The following SAFB2 variants were observed in gnomAD, a reference collection of about 807,000 sequenced individuals.
The protein encoded by SAFB2 is scaffold attachment factor B2.
Under a neutral mutation model 100.6 loss-of-function variants are expected in SAFB2, and 32 were observed. The observed-to-expected ratio is 0.32, with a 90% CI of 0.24 to 0.43. The LOEUF is 0.43. Among genes scored for constraint, SAFB2 ranks in the 20% least tolerant of loss-of-function variants. SAFB2 has a pLI of 1.00. For missense variants in SAFB2, 1,185 were observed against 1,163.4 expected (o/e 1.02, Z -0.27); for synonymous variants, 500 against 439.4 (o/e 1.14, Z -1.72).
In SAFB2 at chr19:5,604,849, T is replaced by A; in HGVS notation, c.1384A>T (p.Thr462Ser). 6.2e-7 allele frequency: 1 copy of A among 1,614,174 alleles called. No homozygotes were observed. The highest frequency in any genetic ancestry group is 8.5e-7 in the Non-Finnish European group (1 of 1,180,030). ...FVTMSTSDEA[T>S]KCISHLHRTE... ...CTGTGGAGATGGCTGATGCACTTGG[T>A]CGCCTCGTCAGATGTCGACATGGTG... Residue 462 changes from threonine (T) to serine (S), a missense_variant, in exon 10 of 21, where the codon ACC (threonine) becomes TCC (serine). Physicochemically the swap from Thr to Ser is moderately conservative, Grantham distance 58. This residue lies in a region of SAFB2 where 94 missense variants were observed against 135.1 expected (regional missense o/e 0.70). Coordinates refer to ENST00000252542, the MANE Select transcript of SAFB2 (RefSeq NM_014649.3).
intron 17 of SAFB2, among the ~76,000 whole-genome samples, chr19:5,591,008 C>T (rs904485324): frequency 6.6e-6 from 1 of 152,202 alleles, no homozygotes; most frequent in Non-Finnish European, 1.5e-5. Flanking sequence ...TTGTGGTCTT[C>T]AGCCCCCCGT....
intron 13 of SAFB2, 84 bp from the exon 14 acceptor site, chr19:5,595,581 T>C: frequency 1.3e-6 from 2 of 1,497,630 alleles, no homozygotes; most frequent in Admixed American, 1.8e-5. Flanking sequence ...TGCATGAGAC[T>C]AAGATTCTCT....
At chr19:5,588,050 C>T (rs1364269063) in intron 18 of SAFB2, 70 bp from the exon 19 acceptor site, 13 of 1,381,710 alleles carry the variant, frequency 9.4e-6, no homozygotes, top group Non-Finnish European at 1.3e-5. Context: ...CAGGCGCACC[C>T]ACCCTGACCT....
intron 4 of SAFB2, 50 bp from the exon 5 acceptor site, chr19:5,613,577 C>G (rs2052957204): frequency 5.0e-6 from 8 of 1,593,642 alleles, no homozygotes; most frequent in Non-Finnish European, 6.9e-6. Flanking sequence ...GCTATGAAAA[C>G]CAAGGCTGAC....
intron 2 of SAFB2, among the ~76,000 whole-genome samples, chr19:5,619,103 G>A (rs1425715071): frequency 1.3e-5 from 2 of 152,158 alleles, no homozygotes; most frequent in Non-Finnish European, 2.9e-5. Context: ...TGCTTGAAAC[G>A]AAAATTAACT....
At chr19:5,603,229 A>G (rs1489771472) in intron 11 of SAFB2, among the ~76,000 whole-genome samples, 7 of 152,092 alleles carry the variant, frequency 4.6e-5, no homozygotes, top group Admixed American at 2.6e-4. Context: ...GACTGCATCA[A>G]TGCACTCCAG....
chr19:5,590,369 C>T lies in SAFB2; in HGVS notation c.2434G>A (p.Glu812Lys). ...DDRHGHGGPP[E>K]RHGRDSRDGW... ...TCACGGGAGTCCCGGCCGTGGCGCTCTGGGGGTCCTCCGTGGCCATGGCGG... is the reference window on the plus strand; with the variant it reads ...TCACGGGAGTCCCGGCCGTGGCGCTTTGGGGGTCCTCCGTGGCCATGGCGG... Residue 812 changes from glutamate (E) to lysine (K), a missense_variant, in exon 18 of 21, where the codon GAG becomes AAG. By Grantham distance (56) the Glu-to-Lys change is moderately conservative (BLOSUM62 1). Transcript: ENST00000252542. The T allele has an allele frequency of 6.2e-7, 1 of 1,612,094 alleles. No homozygotes were observed. Among genetic ancestry groups the T allele is most frequent in the Non-Finnish European group, 8.5e-7 (1 of 1,179,400 alleles).
intron 4 of SAFB2, among the ~76,000 whole-genome samples, chr19:5,615,102 C>T (rs150912095): frequency 0.026 from 4,034 of 152,286 alleles, 91 homozygotes; most frequent in Middle Eastern, 0.075. Flanking sequence ...AGCCTGTAAT[C>T]CCAGCACTTT....
intron 2 of SAFB2, among the ~76,000 whole-genome samples, chr19:5,618,554 A>C (rs1334172349): frequency 6.6e-6 from 1 of 152,218 alleles, no homozygotes; most frequent in Non-Finnish European, 1.5e-5. Context: ...ATTTGACACG[A>C]GAATTTGGTT....
chr19:5,613,576 A>C (rs774126042), intron 4 of SAFB2, 49 bp from the exon 5 acceptor site: 1 of 1,593,434 alleles, frequency 6.3e-7, no homozygotes, highest in Non-Finnish European at 8.6e-7. Flanking sequence ...AGCTATGAAA[A>C]CCAAGGCTGA....
Position 5,616,191 on chromosome 19 carries a change from T to G in SAFB2, c.484A>C (p.Ser162Arg). 1 of 1,614,226 alleles carries G rather than the reference T, an allele frequency of 6.2e-7. No homozygotes were observed. The highest frequency in any genetic ancestry group is 8.5e-7 in the Non-Finnish European group (1 of 1,180,026). ...TDGLLDSFCD[S>R]KEYVAAQLRQ... ...AGCTGTGCAGCCACGTATTCTTTAC[T>G]ATCACAAAAGGAATCGAGAAGGCCG... Residue 162 changes from serine (S) to arginine (R), a missense_variant, in exon 4 of 21, where the codon AGT becomes CGT. Ser to Arg is a moderately radical substitution (Grantham distance 110). Coordinates refer to ENST00000252542, the MANE Select transcript of SAFB2 (RefSeq NM_014649.3).
intron 1 of SAFB2, 64 bp from the exon 2 acceptor site, chr19:5,621,460 A>G: frequency 1.9e-6 from 2 of 1,040,684 alleles, no homozygotes; most frequent in African/African-American, 1.6e-5. Context: ...TGTTCCTTAC[A>G]AGTAACAACC....
intron 9 of SAFB2, 32 bp downstream of exon 9, chr19:5,609,963 C>T (rs772203370): frequency 1.3e-6 from 2 of 1,573,308 alleles, no homozygotes; most frequent in Non-Finnish European, 1.7e-6. Context: ...CTCTGAATCA[C>T]AGTGGATGGT....
chr19:5,619,001 A>C (rs1029326776), intron 2 of SAFB2, among the ~76,000 whole-genome samples: 14 of 152,236 alleles, frequency 9.2e-5, no homozygotes, highest in Admixed American at 9.2e-4. Flanking sequence ...TCCCTCAACA[A>C]GTTTGGCTAC....
chr19:5,595,183 C>T (rs572550886), intron 14 of SAFB2, among the ~76,000 whole-genome samples, 178 bp downstream of exon 14: 13 of 152,258 alleles, frequency 8.5e-5, no homozygotes, highest in African/African-American at 2.6e-4. Context: ...GCATGTCTGG[C>T]GGCTCACGTG....
chr19:5,612,022 A>G, intron 6 of SAFB2: 1 of 367,278 alleles, frequency 2.7e-6, no homozygotes, highest in Non-Finnish European at 5.1e-6. Flanking sequence ...TTCTTTTAAC[A>G]GAACAATCCA....
At chr19:5,598,928 C>G (rs1568213984) in intron 12 of SAFB2, 44 bp from the exon 13 acceptor site, 1 of 1,585,310 alleles carries the variant, frequency 6.3e-7, no homozygotes, top group South Asian at 1.1e-5. Flanking sequence ...TGTGGACGCC[C>G]CAACTTCCCG....
chr19:5,598,904 A>T lies in SAFB2; in HGVS notation c.1691-20T>A. 1.2e-6 allele frequency: 2 copies of T among 1,612,254 alleles called. No homozygotes were observed. Among genetic ancestry groups the T allele is most frequent in the Non-Finnish European group, 1.7e-6 (2 of 1,178,628 alleles). On this transcript the variant is annotated intron_variant, in intron 12 of 20. Coordinates refer to ENST00000252542, the MANE Select transcript of SAFB2 (RefSeq NM_014649.3). ...TGCTTCCTTCAGGAAAAAACACAAC[A>T]AACTATCAAAACCTGTGGACGCCCC...
At chr19:5,589,626 G>A (rs1314265363) in intron 18 of SAFB2, among the ~76,000 whole-genome samples, 2 of 152,160 alleles carry the variant, frequency 1.3e-5, no homozygotes, top group Admixed American at 1.3e-4. Flanking sequence ...AAACAGGCAG[G>A]GGTGACTGCA....
Sources: allele counts gnomAD v4.1 joint callset (sites outside exome capture counted in the v4.1 genomes callset), GRCh38; gene constraint gnomAD v4.1.1; regional missense constraint gnomAD v4.1.1; transcripts MANE v1.5; gene names NCBI Gene and HGNC (gene_info 2026-07-23, HGNC 2026-07-21).